CAMK1D: variants seen among roughly 807,000 people sequenced by gnomAD.
The protein encoded by CAMK1D is calcium/calmodulin dependent protein kinase ID.
In CAMK1D, 9 loss-of-function variants were observed where a neutral mutation model predicts 47.7. The ratio of observed to expected loss-of-function variants is 0.19; its 90% CI spans 0.11 to 0.33. The LOEUF is 0.33. Ranked by LOEUF, CAMK1D falls within the 10% of genes least tolerant of loss-of-function variation. The pLI, the probability that CAMK1D is intolerant of heterozygous loss-of-function variation, is 1.00. For missense variants in CAMK1D, 291 were observed against 488.7 expected (o/e 0.60, Z 3.81); for synonymous variants, 184 against 184.9 (o/e 0.99, Z 0.04).
chr10:12,630,884 C>T (rs1011745305), intron 2 of CAMK1D, among the ~76,000 whole-genome samples: 1 of 152,144 alleles, frequency 6.6e-6, no homozygotes, highest in African/African-American at 2.4e-5. Context: ...TCAGAGGGTG[C>T]ACCCAGGGAT....
At chr10:12,567,779 A>G (rs1038151052) in intron 2 of CAMK1D, among the ~76,000 whole-genome samples, 2 of 152,156 alleles carry the variant, frequency 1.3e-5, no homozygotes, top group Non-Finnish European at 2.9e-5. Context: ...CTTCCAGGGC[A>G]AAGCCACTTG....
chr10:12,492,310 G>T (rs1393815700), intron 1 of CAMK1D, among the ~76,000 whole-genome samples: 2 of 148,334 alleles, frequency 1.3e-5, no homozygotes, highest in Non-Finnish European at 3.0e-5. Context: ...AAACCGTGGG[G>T]TTCTGCTTAC....
chr10:12,531,084 C>G (rs1835790878), intron 1 of CAMK1D, among the ~76,000 whole-genome samples: 1 of 150,502 alleles, frequency 6.6e-6, no homozygotes, highest in African/African-American at 2.4e-5. Context: ...TTGAGATTGT[C>G]CAGGATAAGA....
At chr10:12,784,887 G>T in intron 5 of CAMK1D, among the ~76,000 whole-genome samples, 1 of 152,180 alleles carries the variant, frequency 6.6e-6, no homozygotes, top group South Asian at 2.1e-4. Flanking sequence ...CAGGACATAC[G>T]GAGATGAGAG....
At chr10:12,733,808 T>C (rs1835007707) in intron 3 of CAMK1D, among the ~76,000 whole-genome samples, 5 of 152,246 alleles carry the variant, frequency 3.3e-5, no homozygotes, top group African/African-American at 1.2e-4. Context: ...GGCCAAAGAA[T>C]TGAAAATGTT....
intron 1 of CAMK1D, among the ~76,000 whole-genome samples, chr10:12,407,055 C>T (rs1839458975): frequency 1.3e-5 from 2 of 152,314 alleles, no homozygotes. Flanking sequence ...TTCCATTTTG[C>T]CTTCTCCTCT....
At chr10:12,420,454 G>A (rs1320689206) in intron 1 of CAMK1D, among the ~76,000 whole-genome samples, 2 of 152,132 alleles carry the variant, frequency 1.3e-5, no homozygotes, top group Admixed American at 6.5e-5. Context: ...AGGCATTATT[G>A]GCAGTGGATT....
intron 8 of CAMK1D, among the ~76,000 whole-genome samples, chr10:12,821,451 A>G (rs1042386777): frequency 6.6e-6 from 1 of 152,120 alleles, no homozygotes; most frequent in Non-Finnish European, 1.5e-5. Flanking sequence ...GTGGCCCAGG[A>G]CTGGCAAGTG....
intron 3 of CAMK1D, among the ~76,000 whole-genome samples, chr10:12,702,673 C>A (rs1833571528): frequency 6.6e-6 from 1 of 152,202 alleles, no homozygotes; most frequent in Admixed American, 6.5e-5. Flanking sequence ...AGAGAAGGAA[C>A]CATGTGCACA....
intron 1 of CAMK1D, among the ~76,000 whole-genome samples, chr10:12,387,842 C>T (rs1838578580): frequency 6.6e-6 from 1 of 152,122 alleles, no homozygotes; most frequent in Non-Finnish European, 1.5e-5. Context: ...TAACTATCCT[C>T]TATCGGGATG....
rs1838374161 is a variant in CAMK1D, at chr10:12,800,414, A to G, written c.641+9181A>G. 2.0e-5 allele frequency among the ~76,000 whole-genome samples: 3 copies of G among 152,242 alleles called. No homozygotes were observed. The South Asian group carries it at 6.2e-4, about 31-fold the overall frequency. ...ATGAATACAATTCAGATTTCTTCCT[A>G]CAGGATGCAGACATTCATTCAATAA... On this transcript the variant is annotated intron_variant, in intron 6 of 10. Transcript: ENST00000619168.
In CAMK1D at chr10:12,770,216, G is replaced by A. The variant is rs145720032; in HGVS notation, c.565+417G>A. Among the ~76,000 whole-genome samples, 917 of 152,316 alleles carry A rather than the reference G, an allele frequency of 6.0e-3. 9 individuals carry two copies. Among genetic ancestry groups the A allele is most frequent in the African/African-American group, 0.021 (883 of 41,564 alleles). ...AATTACTGAGATAGGAACATTGATG[G>A]AGGAACCTGGTTCAGACCTTGACCA... On this transcript the variant is annotated intron_variant, in intron 5 of 10. Coordinates refer to ENST00000619168, the MANE Select transcript of CAMK1D (RefSeq NM_153498.4).
intron 5 of CAMK1D, among the ~76,000 whole-genome samples, chr10:12,774,460 G>GGA (rs946450695): frequency 2.6e-5 from 4 of 152,090 alleles, no homozygotes; most frequent in African/African-American, 9.7e-5. Context: ...GAGAGGAATA[G>GGA]GAGAGACAGT....
Position 12,773,589 on chromosome 10 carries a change from T to C in CAMK1D, c.565+3790T>C, listed in dbSNP as rs542594945. Among the ~76,000 whole-genome samples, 32 of 152,330 alleles carry C rather than the reference T, an allele frequency of 2.1e-4. No individual in the cohort carries two copies. The East Asian group carries it at 5.0e-3, about 24-fold the overall frequency. Reference sequence around the variant, plus strand: ...GATACAAGGGCCAAGTGTACAATGTTTGGTTTGAGAATACAAATATGGGCC... The same window carrying C: ...GATACAAGGGCCAAGTGTACAATGTCTGGTTTGAGAATACAAATATGGGCC... On this transcript the variant is annotated intron_variant, in intron 5 of 10. Coordinates refer to ENST00000619168, the MANE Select transcript of CAMK1D (RefSeq NM_153498.4).
intron 8 of CAMK1D, among the ~76,000 whole-genome samples, chr10:12,821,965 CT>C (rs750177888): frequency 9.9e-5 from 15 of 151,964 alleles, no homozygotes; most frequent in Non-Finnish European, 1.8e-4. Context: ...CAGAGCAAGA[CT>C]CTGTCTCAAA....
intron 1 of CAMK1D, among the ~76,000 whole-genome samples, chr10:12,362,920 A>AG (rs1823280543): frequency 1.3e-5 from 2 of 149,398 alleles, no homozygotes; most frequent in South Asian, 4.2e-4. Context: ...CTGGGATTAC[A>AG]GGCGTGAGCC....
intron 1 of CAMK1D, among the ~76,000 whole-genome samples, chr10:12,489,383 T>C (rs1267932999): frequency 1.3e-5 from 2 of 152,024 alleles, no homozygotes; most frequent in African/African-American, 4.8e-5. Flanking sequence ...GAGAGGAGGC[T>C]CAAGAGGGAG....
At chr10:12,565,882 G>GAT (rs1015559744) in intron 2 of CAMK1D, among the ~76,000 whole-genome samples, 6 of 151,910 alleles carry the variant, frequency 3.9e-5, no homozygotes, top group African/African-American at 1.5e-4. Context: ...GCTTCTCCTT[G>GAT]ATATAGGCAA....
intron 1 of CAMK1D, among the ~76,000 whole-genome samples, chr10:12,529,217 G>A (rs189682240): frequency 1.3e-5 from 2 of 152,192 alleles, no homozygotes; most frequent in Non-Finnish European, 2.9e-5. Context: ...CATCCGTGAT[G>A]TTAAAATCAC....
Sources: allele counts gnomAD v4.1 joint callset (sites outside exome capture counted in the v4.1 genomes callset), GRCh38; gene constraint gnomAD v4.1.1; transcripts MANE v1.5; gene names NCBI Gene and HGNC (gene_info 2026-07-23, HGNC 2026-07-21).